The following NIBAN1 variants were observed in gnomAD, a reference collection of about 807,000 sequenced individuals.
The protein encoded by NIBAN1 is protein Niban 1.
NIBAN1 carries 81 observed loss-of-function variants against 75.1 expected under a neutral mutation model. The observed-to-expected ratio is 1.08, with a 90% CI of 0.90 to 1.30. The LOEUF is 1.30. NIBAN1 is among the 50% of genes most tolerant of loss of function. The probability of loss-of-function intolerance (pLI) is 0.00; values close to 1 mark genes in which losing one functional copy is unlikely to be tolerated. For missense variants in NIBAN1, 1,133 were observed against 1,128.1 expected, an observed-to-expected ratio of 1.00 and a Z score of -0.06; for synonymous variants, 436 against 424.8, an observed-to-expected ratio of 1.03 and a Z score of -0.32.
intron 4 of NIBAN1, among the ~76,000 whole-genome samples, chr1:184,885,697 C>T (rs1327709295): frequency 6.6e-6 from 1 of 152,186 alleles, no homozygotes; most frequent in Non-Finnish European, 1.5e-5. Context: ...ACCTTATTCT[C>T]ACCTCAGTCT....
At chr1:184,920,102 G>A (rs1001589587) in intron 1 of NIBAN1, among the ~76,000 whole-genome samples, 1 of 152,146 alleles carries the variant, frequency 6.6e-6, no homozygotes, top group African/African-American at 2.4e-5. Flanking sequence ...TCCAACTGGA[G>A]GACATTGAGG....
rs183973991 is a variant in NIBAN1 at position 184,830,331 on chromosome 1, C to T, written c.717+1516G>A. Among the ~76,000 whole-genome samples the T allele has an allele frequency of 1.2e-4, 18 of 152,326 alleles. No individual in the cohort carries two copies. The East Asian group carries it at 3.5e-3, about 29-fold the overall frequency. On this transcript the variant is annotated intron_variant, in intron 6 of 13. Transcript: ENST00000367511. ...CAAGTGCTTCAGCCTCCCCTTCTGACACTTTTGTTTTTCTTAATGGCATAA... is the reference window on the plus strand; with the variant it reads ...CAAGTGCTTCAGCCTCCCCTTCTGATACTTTTGTTTTTCTTAATGGCATAA...
At chr1:184,825,199 T>A (rs984501133) in intron 6 of NIBAN1, among the ~76,000 whole-genome samples, 8 of 152,216 alleles carry the variant, frequency 5.3e-5, no homozygotes, top group African/African-American at 1.9e-4. Flanking sequence ...GATTGGCTCA[T>A]GAAAAGTTGT....
intron 1 of NIBAN1, among the ~76,000 whole-genome samples, chr1:184,919,180 A>G (rs767624695): frequency 3.9e-5 from 6 of 152,226 alleles, no homozygotes; most frequent in Non-Finnish European, 8.8e-5. Flanking sequence ...TGTGAGACAC[A>G]TTGAAAACAA....
In NIBAN1 at chr1:184,795,921, T is replaced by C. The variant is rs1474349045; in HGVS notation, c.1843A>G (p.Ser615Gly). The C allele has an allele frequency of 1.2e-6, 2 of 1,614,090 alleles. No homozygotes were observed. Among genetic ancestry groups the C allele is most frequent in the Non-Finnish European group, 1.7e-6 (2 of 1,180,036 alleles). The change falls in exon 14 of 14, where the codon AGT (serine) becomes GGT (glycine). Residue 615 changes from serine to glycine, a missense_variant. By Grantham distance (56) the Ser-to-Gly change is moderately conservative (BLOSUM62 0). Coordinates refer to ENST00000367511, the MANE Select transcript of NIBAN1 (RefSeq NM_052966.4). ...LPGVLGSETLSNEVFQESEEE... is the reference protein window; with the variant it reads ...LPGVLGSETLGNEVFQESEEE... Reference sequence around the variant, plus strand: ...TCTGACTCCTGGAATACTTCGTTACTGAGGGTCTCACTACCCAGAACTCCT... The same window carrying C: ...TCTGACTCCTGGAATACTTCGTTACCGAGGGTCTCACTACCCAGAACTCCT...
chr1:184,974,371 T>A lies in NIBAN1; in HGVS notation c.-15A>T, dbSNP rs1005835098. 5 of 1,550,164 alleles carry A rather than the reference T, an allele frequency of 3.2e-6. No individual in the cohort carries two copies. Among genetic ancestry groups the A allele is most frequent in the African/African-American group, 1.4e-5 (1 of 73,204 alleles). On this transcript the variant is annotated 5_prime_UTR_variant, in exon 1 of 14. Coordinates refer to ENST00000367511, the MANE Select transcript of NIBAN1 (RefSeq NM_052966.4). The stretch of plus-strand genomic sequence containing the variant: ...GAGCCGCCCATGACCGCGAGCTGCC[T>A]GTGCTGAGCGCGGAAACTGCCCGGT...
chr1:184,896,674 A>G (rs1244409809), intron 2 of NIBAN1, among the ~76,000 whole-genome samples: 1 of 152,160 alleles, frequency 6.6e-6, no homozygotes, highest in Non-Finnish European at 1.5e-5. Flanking sequence ...CTATAGTTTC[A>G]GGACTTACAC....
At chr1:184,887,409 G>T (rs1217184051) in intron 4 of NIBAN1, among the ~76,000 whole-genome samples, 1 of 152,206 alleles carries the variant, frequency 6.6e-6, no homozygotes, top group African/African-American at 2.4e-5. Context: ...AGTTGGGCAA[G>T]TGACTACATA....
At chr1:184,842,778 A>AG (rs1223767183) in intron 5 of NIBAN1, among the ~76,000 whole-genome samples, 4 of 152,026 alleles carry the variant, frequency 2.6e-5, no homozygotes, top group Non-Finnish European at 5.9e-5. Flanking sequence ...AAAAAAAAAA[A>AG]AAAATCCATT....
rs932675460 is a variant in NIBAN1, at chr1:184,833,381, C to T, written c.602-1419G>A. The stretch of plus-strand genomic sequence containing the variant: ...AAAACTATTCACAGTGAGGATACCA[C>T]GAAGTCCATTCGAAGCTGCATTTTA... On this transcript the variant is annotated intron_variant, in intron 5 of 13. Transcript: ENST00000367511. 3.3e-5 allele frequency among the ~76,000 whole-genome samples: 5 copies of T among 151,622 alleles called. No homozygotes were observed. The East Asian group carries it at 5.8e-4, about 18-fold the overall frequency.
chr1:184,972,795 A>G (rs1557936963), intron 1 of NIBAN1, among the ~76,000 whole-genome samples: 1 of 152,274 alleles, frequency 6.6e-6, no homozygotes, highest in Non-Finnish European at 1.5e-5. Context: ...CATCAATAGC[A>G]ACAAATGGCA....
chr1:184,808,915 T>TA (rs1201164676), intron 9 of NIBAN1, among the ~76,000 whole-genome samples: 2 of 152,204 alleles, frequency 1.3e-5, no homozygotes, highest in Non-Finnish European at 1.5e-5. Flanking sequence ...CCTAAAGTGT[T>TA]ATCAACAAAT....
chr1:184,931,004 T>C (rs114453470), intron 1 of NIBAN1, among the ~76,000 whole-genome samples: 8 of 101,938 alleles, frequency 7.8e-5, no homozygotes, highest in African/African-American at 5.8e-4. Context: ...CTTCTTTTTT[T>C]TTTTTTTTTT....
At chr1:184,891,168 T>C (rs1656657686) in intron 3 of NIBAN1, among the ~76,000 whole-genome samples, 1 of 152,170 alleles carries the variant, frequency 6.6e-6, no homozygotes, top group Non-Finnish European at 1.5e-5. Flanking sequence ...AAATTACTTG[T>C]AACAACGACT....
intron 1 of NIBAN1, among the ~76,000 whole-genome samples, chr1:184,960,258 C>G (rs545121561): frequency 6.6e-6 from 1 of 152,056 alleles, no homozygotes; most frequent in Admixed American, 6.6e-5. Flanking sequence ...AATTTAGATG[C>G]AAGATCCCCT....
intron 1 of NIBAN1, among the ~76,000 whole-genome samples, chr1:184,972,800 A>G (rs1032462588): frequency 6.6e-6 from 1 of 152,248 alleles, no homozygotes; most frequent in African/African-American, 2.4e-5. Flanking sequence ...ATAGCAACAA[A>G]TGGCACGGCC....
At chr1:184,890,001 C>T in intron 4 of NIBAN1, 107 bp downstream of exon 4, 2 of 857,112 alleles carry the variant, frequency 2.3e-6, no homozygotes, top group East Asian at 2.5e-5. Flanking sequence ...CCAGATGCTG[C>T]CAAATGTCCC....
chr1:184,945,892 T>A (rs1415874996), intron 1 of NIBAN1, among the ~76,000 whole-genome samples: 1 of 152,044 alleles, frequency 6.6e-6, no homozygotes, highest in Non-Finnish European at 1.5e-5. Flanking sequence ...GTCCGCAGAC[T>A]ATGGACAATT....
chr1:184,806,945 T>C (rs991670664), intron 10 of NIBAN1, among the ~76,000 whole-genome samples: 36 of 152,026 alleles, frequency 2.4e-4, no homozygotes, highest in African/African-American at 8.7e-4. Flanking sequence ...TTTTTTTGTA[T>C]TTTTAGTAGA....
Sources: gnomAD v4.1 joint callset for allele counts (sites outside exome capture counted in the v4.1 genomes callset) on GRCh38, gnomAD v4.1.1 for gene constraint, MANE v1.5 for transcripts, NCBI Gene and HGNC (gene_info 2026-07-23, HGNC 2026-07-21) for gene names.